The following SCML4 variants were observed in gnomAD, a reference collection of about 807,000 sequenced individuals.
SCML4 encodes Scm polycomb group protein like 4, also known as sex comb on midleg-like protein 4.
SCML4 carries 34 observed loss-of-function variants against 41.1 expected under a neutral mutation model. The ratio of observed to expected loss-of-function variants is 0.83; its 90% CI spans 0.63 to 1.10. The LOEUF is 1.10. Ranked by LOEUF, SCML4 falls within the 50% of genes least tolerant of loss-of-function variation. SCML4 has a pLI of 0.00. For synonymous variants in SCML4, 214 were observed against 220.9 expected, an observed-to-expected ratio of 0.97 and a Z score of 0.28; for missense variants, 522 against 534.1, an observed-to-expected ratio of 0.98 and a Z score of 0.22.
At position 107,705,015 on chromosome 6, in the gene SCML4, T is replaced by C. The variant is rs1421190370; in HGVS notation, c.*185A>G. Reference sequence around the variant, plus strand: ...CAAATTATGAACACAGAGGAGCCTCTCGAAAAGGTCCATGTTAAATTCTTC... The same window carrying C: ...CAAATTATGAACACAGAGGAGCCTCCCGAAAAGGTCCATGTTAAATTCTTC... On this transcript the variant is annotated 3_prime_UTR_variant, in exon 8 of 8. Coordinates refer to ENST00000369020, the MANE Select transcript of SCML4 (RefSeq NM_198081.5). 1 of 668,128 alleles carries C rather than the reference T, an allele frequency of 1.5e-6. No homozygotes were observed. The highest frequency in any genetic ancestry group is 2.8e-5 in the Admixed American group (1 of 35,928). 41.4% of individuals were successfully genotyped at this position (668,128 alleles called of 1,614,324 possible). A position where few individuals can be genotyped will look rare whatever the true frequency, so the allele number is the denominator to read the frequency against.
chr6:107,826,309 G>GAA (rs1229637785), upstream of SCML4, among the ~76,000 whole-genome samples: 1 of 149,902 alleles, frequency 6.7e-6, no homozygotes, highest in Admixed American at 6.7e-5. Context: ...AAAAGAAAAA[G>GAA]AAGAAAAGAA....
chr6:107,795,519 C>T (rs1034106387), intron 1 of SCML4, among the ~76,000 whole-genome samples: 39 of 152,032 alleles, frequency 2.6e-4, no homozygotes, highest in Non-Finnish European at 1.8e-4. Context: ...ATTTTCATCA[C>T]CTTAGAAATA....
At chr6:107,737,591 T>C (rs1464934935) in intron 5 of SCML4, among the ~76,000 whole-genome samples, 1 of 152,238 alleles carries the variant, frequency 6.6e-6, no homozygotes, top group African/African-American at 2.4e-5. Context: ...TAAGTTTCTC[T>C]GTGTGAGCAG....
the SCML4 span, among the ~76,000 whole-genome samples, chr6:107,832,203 C>A: frequency 2.0e-5 from 3 of 152,164 alleles, no homozygotes; most frequent in Non-Finnish European, 2.9e-5. Flanking sequence ...CATGCCACTG[C>A]ACTCCTGCCT....
intron 2 of SCML4, among the ~76,000 whole-genome samples, chr6:107,764,008 T>C (rs1173587711): frequency 6.6e-6 from 1 of 152,252 alleles, no homozygotes; most frequent in Non-Finnish European, 1.5e-5. Context: ...ATTCACATTC[T>C]TTCTTCATAC....
chr6:107,840,355 C>T, the SCML4 span, among the ~76,000 whole-genome samples: 9 of 152,344 alleles, frequency 5.9e-5, no homozygotes, highest in South Asian at 2.1e-4. Context: ...TGGCACACAC[C>T]TATCACAGAC....
At chr6:107,775,443 G>C (rs1780861366) in intron 1 of SCML4, among the ~76,000 whole-genome samples, 1 of 152,190 alleles carries the variant, frequency 6.6e-6, no homozygotes, top group Non-Finnish European at 1.5e-5. Flanking sequence ...CTGTATCTCT[G>C]ACCTAGGAGC....
At chr6:107,748,270 C>G (rs1002121139) in intron 3 of SCML4, among the ~76,000 whole-genome samples, 6 of 152,170 alleles carry the variant, frequency 3.9e-5, no homozygotes, top group Admixed American at 3.3e-4. Flanking sequence ...TCCCCATCAT[C>G]CTCCCATAAG....
At chr6:107,841,987 C>T in the SCML4 span, among the ~76,000 whole-genome samples, 5 of 151,976 alleles carry the variant, frequency 3.3e-5, no homozygotes, top group African/African-American at 1.2e-4. Flanking sequence ...GCTTTTCTTT[C>T]TCTAGTTTCT....
intron 2 of SCML4, among the ~76,000 whole-genome samples, chr6:107,769,220 G>T (rs1780316135): frequency 6.6e-6 from 1 of 152,222 alleles, no homozygotes; most frequent in Non-Finnish European, 1.5e-5. Flanking sequence ...TACTCTTCCA[G>T]CTGTGAGTCT....
chr6:107,712,801 C>T (rs927779026), intron 6 of SCML4, among the ~76,000 whole-genome samples: 2 of 152,308 alleles, frequency 1.3e-5, no homozygotes, highest in South Asian at 2.1e-4. Flanking sequence ...CCAGCTGCAG[C>T]GAAGGTGTCA....
chr6:107,763,653 C>T (rs1440541854), intron 2 of SCML4, among the ~76,000 whole-genome samples: 1 of 152,178 alleles, frequency 6.6e-6, no homozygotes, highest in East Asian at 1.9e-4. Flanking sequence ...TCCCAAAATG[C>T]CGGGGCTACA....
At chr6:107,773,130 C>T (rs907772735) in intron 1 of SCML4, among the ~76,000 whole-genome samples, 4 of 152,082 alleles carry the variant, frequency 2.6e-5, no homozygotes, top group Non-Finnish European at 5.9e-5. Context: ...TTAAAATGAC[C>T]TCAACTATGC....
chr6:107,786,756 C>T (rs1467061197), intron 1 of SCML4, among the ~76,000 whole-genome samples: 2 of 152,156 alleles, frequency 1.3e-5, no homozygotes, highest in Non-Finnish European at 2.9e-5. Flanking sequence ...AGAGTCCAGC[C>T]CAGGGTACTT....
intron 5 of SCML4, among the ~76,000 whole-genome samples, chr6:107,738,622 A>T (rs1407135050): frequency 1.3e-5 from 2 of 151,326 alleles, no homozygotes; most frequent in African/African-American, 2.4e-5. Context: ...GTCCATCTTG[A>T]AAAAAAAAGG....
chr6:107,767,193 T>A lies in SCML4; in HGVS notation c.156+4979A>T, dbSNP rs79076807. On this transcript the variant is annotated intron_variant, in intron 2 of 7. Transcript: ENST00000369020. ...GGGTGGTCTCGATCTCCTGACCTCG[T>A]GATCCATCCACCTCGGCCTCCCAAA... Among the ~76,000 whole-genome samples the A allele has an allele frequency of 1.8e-4, 28 of 152,188 alleles. No individual in the cohort carries two copies. The East Asian group carries it at 3.9e-3, about 21-fold the overall frequency.
chr6:107,739,394 C>T (rs143483144), intron 5 of SCML4, among the ~76,000 whole-genome samples: 41 of 152,146 alleles, frequency 2.7e-4, no homozygotes, highest in African/African-American at 9.4e-4. Context: ...CCAAAAACAT[C>T]CCAGTTCTTT....
At chr6:107,746,655 A>C (rs1350693470) in intron 4 of SCML4, 34 bp downstream of exon 4, 1 of 1,588,058 alleles carries the variant, frequency 6.3e-7, no homozygotes, top group South Asian at 1.1e-5. Context: ...AGAGACATCC[A>C]TGGCCTCCTC....
chr6:107,791,635 A>T (rs780172668), intron 1 of SCML4, among the ~76,000 whole-genome samples: 8 of 152,188 alleles, frequency 5.3e-5, no homozygotes, highest in Non-Finnish European at 1.0e-4. Context: ...TTGTCTCCCT[A>T]AGAGCAAATT....
Sources: gnomAD v4.1 joint callset for allele counts (sites outside exome capture counted in the v4.1 genomes callset) on GRCh38, gnomAD v4.1.1 for gene constraint, MANE v1.5 for transcripts, NCBI Gene and HGNC (gene_info 2026-07-23, HGNC 2026-07-21) for gene names.